Variants in BBS9 observed in about 807,000 individuals in gnomAD.
BBS9 encodes Bardet-Biedl syndrome 9.
Under a neutral mutation model 117.7 loss-of-function variants are expected in BBS9, and 89 were observed. The observed-to-expected ratio is 0.76, with a 90% confidence interval of 0.64 to 0.90. The LOEUF (loss-of-function observed/expected upper bound fraction) is 0.90, where lower values mean the gene tolerates loss of function less well. Among genes scored for constraint, BBS9 ranks in the 40% least tolerant of loss-of-function variants. The pLI is 0.00. For synonymous variants in BBS9, 379 were observed against 370.9 expected (o/e 1.02, Z -0.25); for missense variants, 982 against 1,042.2 (o/e 0.94, Z 0.80).
At chr7:33,313,031 T>A (rs1809623180) in intron 9 of BBS9, among the ~76,000 whole-genome samples, 1 of 138,848 alleles carries the variant, frequency 7.2e-6, no homozygotes, top group Non-Finnish European at 1.5e-5. Flanking sequence ...TGTGCTGTAC[T>A]CTGTGGTGTG....
At chr7:33,454,824 T>C (rs1190539598) in intron 19 of BBS9, among the ~76,000 whole-genome samples, 1 of 152,058 alleles carries the variant, frequency 6.6e-6, no homozygotes, top group Non-Finnish European at 1.5e-5. Flanking sequence ...GAAGGGAAGG[T>C]GCAGTCTCTT....
chr7:33,599,425 G>A (rs1354413746), intron 21 of BBS9, among the ~76,000 whole-genome samples: 1 of 152,132 alleles, frequency 6.6e-6, no homozygotes, highest in Non-Finnish European at 1.5e-5. Flanking sequence ...CCTGAAAATA[G>A]TCAGTGAAAT....
chr7:33,527,735 A>G (rs1278490304), intron 20 of BBS9, among the ~76,000 whole-genome samples: 1 of 152,040 alleles, frequency 6.6e-6, no homozygotes, highest in Non-Finnish European at 1.5e-5. Flanking sequence ...GGAGCTGTAG[A>G]CCGGAGCTGT....
chr7:33,219,814 C>T (rs1000885734), intron 5 of BBS9, among the ~76,000 whole-genome samples: 4 of 152,132 alleles, frequency 2.6e-5, no homozygotes, highest in South Asian at 2.1e-4. Context: ...AGTGGCAACC[C>T]GCTGGGGTCC....
intron 9 of BBS9, among the ~76,000 whole-genome samples, chr7:33,308,390 TA>T (rs1175488591): frequency 1.3e-5 from 2 of 152,196 alleles, no homozygotes; most frequent in African/African-American, 4.8e-5. Flanking sequence ...TTATCAAGAT[TA>T]GCCTAACTTT....
intron 21 of BBS9, among the ~76,000 whole-genome samples, chr7:33,585,845 G>A (rs1860795331): frequency 1.3e-5 from 2 of 151,824 alleles, no homozygotes. Flanking sequence ...TCTGCCTTCT[G>A]TGTTTCTCTC....
intron 19 of BBS9, among the ~76,000 whole-genome samples, chr7:33,421,339 A>G (rs1832830843): frequency 1.3e-5 from 2 of 152,194 alleles, no homozygotes; most frequent in African/African-American, 2.4e-5. Context: ...AACATACACC[A>G]TTTAAAAATA....
chr7:33,406,140 A>G (rs1240523101), intron 19 of BBS9, among the ~76,000 whole-genome samples: 1 of 152,048 alleles, frequency 6.6e-6, no homozygotes, highest in Non-Finnish European at 1.5e-5. Context: ...GTTTCCATGT[A>G]GTTGAGTGGT....
chr7:33,236,459 C>T (rs1432365718), intron 5 of BBS9, among the ~76,000 whole-genome samples: 1 of 151,168 alleles, frequency 6.6e-6, no homozygotes, highest in Non-Finnish European at 1.5e-5. Context: ...TATTTATATA[C>T]ACATACATAC....
intron 19 of BBS9, among the ~76,000 whole-genome samples, chr7:33,470,174 G>T (rs1039643238): frequency 6.6e-6 from 1 of 151,912 alleles, no homozygotes; most frequent in African/African-American, 2.4e-5. Context: ...ATCCAACTGT[G>T]GTACTACTTT....
chr7:33,145,331 G>T (rs974624797), intron 1 of BBS9, among the ~76,000 whole-genome samples: 10 of 152,118 alleles, frequency 6.6e-5, no homozygotes, highest in Non-Finnish European at 1.0e-4. Context: ...TAATTCAAAA[G>T]GTCCAAGTGC....
chr7:33,513,905 TG>T (rs964743710), intron 20 of BBS9, among the ~76,000 whole-genome samples: 12 of 152,204 alleles, frequency 7.9e-5, no homozygotes, highest in Non-Finnish European at 1.5e-4. Context: ...ATTTGTGATA[TG>T]GTCTTTCCTG....
At chr7:33,607,821 G>A (rs1427219130), downstream of BBS9, among the ~76,000 whole-genome samples, 2 of 151,152 alleles carry the variant, frequency 1.3e-5, no homozygotes, top group East Asian at 3.9e-4. Context: ...TATTATCAGG[G>A]CATTTTAATT....
chr7:33,574,951 G>C (rs1262746050), intron 21 of BBS9, among the ~76,000 whole-genome samples: 2 of 151,746 alleles, frequency 1.3e-5, no homozygotes, highest in Non-Finnish European at 2.9e-5. Flanking sequence ...TATAACTTGG[G>C]CTTCTTGCTT....
intron 19 of BBS9, among the ~76,000 whole-genome samples, chr7:33,422,169 G>A (rs1288050800): frequency 2.0e-5 from 3 of 152,048 alleles, no homozygotes; most frequent in Non-Finnish European, 2.9e-5. Context: ...ATAGCTTTTC[G>A]TAAATATAGT....
At chr7:33,412,687 GGAA>G (rs1358595101) in intron 19 of BBS9, among the ~76,000 whole-genome samples, 1 of 152,106 alleles carries the variant, frequency 6.6e-6, no homozygotes, top group Non-Finnish European at 1.5e-5. Context: ...TTGTCATCTT[GGAA>G]GAAGAATAGG....
chr7:33,184,003 A>G (rs1464926910), intron 5 of BBS9, among the ~76,000 whole-genome samples: 1 of 152,202 alleles, frequency 6.6e-6, no homozygotes, highest in African/African-American at 2.4e-5. Context: ...CAGAGTTGCT[A>G]TAGCTTAAGA....
chr7:33,537,879 A>T (rs1014642048), intron 21 of BBS9, among the ~76,000 whole-genome samples: 2 of 152,234 alleles, frequency 1.3e-5, no homozygotes, highest in African/African-American at 4.8e-5. Context: ...ATATTTGAAG[A>T]CTTATCATTT....
At chr7:33,365,743 G>A (rs1821570511) in intron 16 of BBS9, among the ~76,000 whole-genome samples, 1 of 152,234 alleles carries the variant, frequency 6.6e-6, no homozygotes, top group South Asian at 2.1e-4. Flanking sequence ...TGGGGCACAG[G>A]AACCCCCACT....
Sources: gnomAD v4.1 joint callset for allele counts (sites outside exome capture counted in the v4.1 genomes callset) on GRCh38, gnomAD v4.1.1 for gene constraint, MANE v1.5 for transcripts, NCBI Gene and HGNC (gene_info 2026-07-23, HGNC 2026-07-21) for gene names.